RCAN2: variants seen among roughly 807,000 people sequenced by gnomAD.
The protein encoded by RCAN2 is calcipressin-2.
RCAN2 carries 9 observed loss-of-function variants against 23.6 expected under a neutral mutation model. That is an observed-to-expected ratio of 0.38 (90% CI 0.23 to 0.67). The LOEUF is 0.67. Ranked by LOEUF, RCAN2 falls within the 30% of genes least tolerant of loss-of-function variation. The pLI is 0.51. For missense variants in RCAN2, 273 were observed against 302.3 expected (o/e 0.90, Z 0.72); for synonymous variants, 109 against 115.7 (o/e 0.94, Z 0.37).
Position 46,364,988 on chromosome 6 carries a change from T to A in RCAN2, c.225+91764A>T, listed in dbSNP as rs1370651393. 2.0e-5 allele frequency among the ~76,000 whole-genome samples: 3 copies of A among 152,136 alleles called. No individual in the cohort carries two copies. The East Asian group carries it at 5.8e-4, about 29-fold the overall frequency. On this transcript the variant is annotated intron_variant, in intron 2 of 4. Coordinates refer to ENST00000371374, the MANE Select transcript of RCAN2 (RefSeq NM_001251974.2). ...CATAAATGGCTCCCTTTATCTCAAG[T>A]CTTTACTCAACTATCACCTTCATGA...
intron 2 of RCAN2, among the ~76,000 whole-genome samples, chr6:46,300,167 T>C (rs1762861284): frequency 2.0e-5 from 3 of 151,470 alleles, no homozygotes; most frequent in Non-Finnish European, 4.4e-5. Context: ...TAAAAATAGA[T>C]GGAACAAAAA....
intron 2 of RCAN2, among the ~76,000 whole-genome samples, chr6:46,375,225 G>A (rs184129104): frequency 2.9e-4 from 44 of 152,312 alleles, no homozygotes; most frequent in Admixed American, 2.8e-3. Flanking sequence ...GATTACAGGT[G>A]TGAACCACCA....
At chr6:46,454,987 G>A (rs1431811534) in intron 2 of RCAN2, among the ~76,000 whole-genome samples, 1 of 152,132 alleles carries the variant, frequency 6.6e-6, no homozygotes, top group Non-Finnish European at 1.5e-5. Context: ...ATTTAATCAG[G>A]AAAGAATGAA....
chr6:46,386,663 G>T (rs991311189), intron 2 of RCAN2, among the ~76,000 whole-genome samples: 1 of 148,786 alleles, frequency 6.7e-6, no homozygotes, highest in South Asian at 2.1e-4. Context: ...ACCATCTCAC[G>T]CTATCATGCC....
intron 2 of RCAN2, among the ~76,000 whole-genome samples, chr6:46,414,075 G>T (rs997531027): frequency 6.6e-6 from 1 of 152,152 alleles, no homozygotes; most frequent in Non-Finnish European, 1.5e-5. Flanking sequence ...CTCTGGACAT[G>T]GTGCATTAGA....
intron 2 of RCAN2, among the ~76,000 whole-genome samples, chr6:46,396,069 G>A (rs1257785063): frequency 6.6e-6 from 1 of 152,136 alleles, no homozygotes; most frequent in Non-Finnish European, 1.5e-5. Flanking sequence ...AATTTAGGTA[G>A]ACGAAATTCT....
intron 2 of RCAN2, among the ~76,000 whole-genome samples, chr6:46,340,061 G>A (rs1764261625): frequency 6.6e-6 from 1 of 152,044 alleles, no homozygotes; most frequent in Admixed American, 6.6e-5. Flanking sequence ...TCAAGATAAT[G>A]TCTGATAAAT....
intron 2 of RCAN2, among the ~76,000 whole-genome samples, chr6:46,363,905 A>G (rs1295343778): frequency 6.6e-6 from 1 of 152,234 alleles, no homozygotes; most frequent in African/African-American, 2.4e-5. Flanking sequence ...ATACATATAT[A>G]TAAGCCATTA....
chr6:46,245,329 T>C (rs1766476350), intron 4 of RCAN2, among the ~76,000 whole-genome samples: 1 of 152,222 alleles, frequency 6.6e-6, no homozygotes, highest in African/African-American at 2.4e-5. Context: ...ATGCAACAGC[T>C]GGCAATCTTC....
chr6:46,348,372 G>A (rs1764550051), intron 2 of RCAN2, among the ~76,000 whole-genome samples: 2 of 152,154 alleles, frequency 1.3e-5, no homozygotes, highest in South Asian at 4.2e-4. Flanking sequence ...ACAACAGCCA[G>A]CCGTCCGTCT....
chr6:46,481,147 C>T (rs1371474085), intron 1 of RCAN2, among the ~76,000 whole-genome samples: 1 of 152,096 alleles, frequency 6.6e-6, no homozygotes, highest in Non-Finnish European at 1.5e-5. Flanking sequence ...CCTGGGGGCA[C>T]TTATTGTCTA....
chr6:46,268,944 G>T (rs1470115077), intron 2 of RCAN2, among the ~76,000 whole-genome samples: 1 of 152,140 alleles, frequency 6.6e-6, no homozygotes, highest in Non-Finnish European at 1.5e-5. Flanking sequence ...CACGTATTGT[G>T]TTTTTGTTAC....
intron 2 of RCAN2, among the ~76,000 whole-genome samples, chr6:46,335,518 A>G (rs1047029074): frequency 1.3e-5 from 2 of 152,176 alleles, no homozygotes; most frequent in African/African-American, 2.4e-5. Context: ...ATCATTGGGA[A>G]CTAGATATTC....
intron 1 of RCAN2, among the ~76,000 whole-genome samples, chr6:46,488,834 T>A (rs1399235114): frequency 6.6e-6 from 1 of 152,172 alleles, no homozygotes; most frequent in African/African-American, 2.4e-5. Flanking sequence ...TTCTCTTTCC[T>A]CCAGGCCATC....
intron 2 of RCAN2, among the ~76,000 whole-genome samples, chr6:46,389,377 A>G (rs1765862522): frequency 6.6e-6 from 1 of 151,996 alleles, no homozygotes; most frequent in Admixed American, 6.6e-5. Flanking sequence ...CTCTCCTTCT[A>G]TTTATTCTTC....
At chr6:46,263,495 A>ATGTGTG (rs1404616117) in intron 2 of RCAN2, among the ~76,000 whole-genome samples, 1 of 69,786 alleles carries the variant, frequency 1.4e-5, no homozygotes, top group African/African-American at 5.5e-5. Flanking sequence ...GTGTGTGTGT[A>ATGTGTG]TGTGTGTATG....
intron 2 of RCAN2, among the ~76,000 whole-genome samples, chr6:46,355,686 C>A (rs1764808047): frequency 6.6e-6 from 1 of 152,132 alleles, no homozygotes; most frequent in African/African-American, 2.4e-5. Flanking sequence ...TTTGTTATTT[C>A]CATTGTTTGC....
chr6:46,466,530 AAGG>A (rs67144459), intron 1 of RCAN2, among the ~76,000 whole-genome samples: 67,492 of 151,692 alleles, frequency 0.44, 16,085 homozygotes, highest in Non-Finnish European at 0.52. Context: ...CTTTCAACTC[AAGG>A]AGGAAAGGCA....
At chr6:46,345,988 CT>C (rs1313904271) in intron 2 of RCAN2, among the ~76,000 whole-genome samples, 3 of 152,018 alleles carry the variant, frequency 2.0e-5, no homozygotes, top group African/African-American at 7.2e-5. Flanking sequence ...AACAAAAGCT[CT>C]TTGGAGTCTT....
Sources: allele counts gnomAD v4.1 joint callset (sites outside exome capture counted in the v4.1 genomes callset), GRCh38; gene constraint gnomAD v4.1.1; transcripts MANE v1.5; gene names NCBI Gene and HGNC (gene_info 2026-07-23, HGNC 2026-07-21).